Variants in BDH1 observed in about 807,000 individuals in gnomAD.
BDH1 encodes the protein D-beta-hydroxybutyrate dehydrogenase, mitochondrial.
BDH1 carries 30 observed loss-of-function variants against 33.1 expected under a neutral mutation model. The observed-to-expected ratio is 0.91, with a 90% CI of 0.68 to 1.23. The LOEUF is 1.23. BDH1 is among the 50% of genes most tolerant of loss of function. The probability of loss-of-function intolerance (pLI) is 0.00; values close to 1 mark genes in which losing one functional copy is unlikely to be tolerated. For synonymous variants in BDH1, 190 were observed against 183.6 expected (o/e 1.03, Z -0.28); for missense variants, 443 against 464.4 (o/e 0.95, Z 0.42).
intron 5 of BDH1, chr3:197,530,503 G>C (rs950235046): frequency 1.3e-5 from 2 of 151,752 alleles, no homozygotes; most frequent in African/African-American, 4.8e-5. Flanking sequence ...TTGAACCCGG[G>C]AGGTGGAGGT....
Position 197,526,614 on chromosome 3 carries a change from C to T in BDH1, c.268-3833G>A, listed in dbSNP as rs1004255478. Among the ~76,000 whole-genome samples, 1 of 152,212 alleles carries T rather than the reference C, an allele frequency of 6.6e-6. No homozygotes were observed. Among genetic ancestry groups the T allele is most frequent in the African/African-American group, 2.4e-5 (1 of 41,456 alleles). Reference sequence around the variant, plus strand: ...ATGTACCCGCTTCTGGCTGGGGCCACATGGATCCTCCCAGCCAGCTCACTG... The same window carrying T: ...ATGTACCCGCTTCTGGCTGGGGCCATATGGATCCTCCCAGCCAGCTCACTG... On this transcript the variant is annotated intron_variant, in intron 5 of 7. Transcript: ENST00000392379. The surrounding 1 kb of genome is among the most constrained non-coding windows in gnomAD (Gnocchi z 4.7).
At chr3:197,552,334 C>A (rs1190642912) in intron 2 of BDH1, among the ~76,000 whole-genome samples, 1 of 152,214 alleles carries the variant, frequency 6.6e-6, no homozygotes, top group Admixed American at 6.5e-5. Context: ...CAACTAGACT[C>A]TCCGCTTCCA....
In BDH1 at chr3:197,526,234, G is replaced by A. The variant is rs770297415; in HGVS notation, c.268-3453C>T. Among the ~76,000 whole-genome samples the A allele has an allele frequency of 4.6e-5, 7 of 152,310 alleles. No homozygotes were observed. Among genetic ancestry groups the A allele is most frequent in the Non-Finnish European group, 7.4e-5 (5 of 68,012 alleles). On this transcript the variant is annotated intron_variant, in intron 5 of 7. Coordinates refer to ENST00000392379, the MANE Select transcript of BDH1 (RefSeq NM_203314.3). This position sits in a 1 kb window ranked among gnomAD's most constrained non-coding sequence, Gnocchi z 4.7. ...AACCCAAACTCCCAAACTTGTATGC[G>A]AGGTAAAGCTTTCCCCTGCCCAGCC...
intron 2 of BDH1, among the ~76,000 whole-genome samples, chr3:197,546,745 G>C (rs1337517302): frequency 6.6e-6 from 1 of 152,188 alleles, no homozygotes; most frequent in African/African-American, 2.4e-5. Context: ...GCAACCCTGG[G>C]CAAGTCATCA....
At chr3:197,537,235 C>T (rs566612042) in intron 3 of BDH1, among the ~76,000 whole-genome samples, 5 of 152,282 alleles carry the variant, frequency 3.3e-5, no homozygotes. Context: ...GTGATCCTCC[C>T]ACCTCATCCT....
rs1713694624 is a variant in BDH1, at chr3:197,522,749, G to T, written c.300C>A (p.Asp100Glu). The T allele has an allele frequency of 6.2e-7, 1 of 1,613,996 alleles. No homozygotes were observed. The highest frequency in any genetic ancestry group is 1.3e-5 in the African/African-American group (1 of 74,906). The change falls in exon 6 of 8, where the codon GAC becomes GAA. Residue 100 changes from aspartate (D) to glutamate (E), a missense_variant. Physicochemically the swap from Asp to Glu is conservative, Grantham distance 45. Transcript: ENST00000392379. The surrounding 1 kb of genome is among the most constrained non-coding windows in gnomAD (Gnocchi z 4.8). Reference sequence around the variant, plus strand: ...TTCTCAATCGGTCACTGTTTAGGCTGTCCAGCTCCTTGACCCCATCATGGC... The same window carrying T: ...TTCTCAATCGGTCACTGTTTAGGCTTTCCAGCTCCTTGACCCCATCATGGC... Reference protein sequence around the residue: ...DKGHDGVKELDSLNSDRLRTV... With the variant: ...DKGHDGVKELESLNSDRLRTV...
intron 2 of BDH1, among the ~76,000 whole-genome samples, chr3:197,550,961 A>G (rs1449147609): frequency 2.0e-5 from 3 of 152,204 alleles, no homozygotes; most frequent in Non-Finnish European, 4.4e-5. Context: ...GTAGTTCTAT[A>G]TATTTACGGG....
chr3:197,530,591 A>T (rs1428992487), intron 5 of BDH1: 1 of 152,500 alleles, frequency 6.6e-6, no homozygotes, highest in Non-Finnish European at 1.5e-5. Context: ...AAAAGAAAAA[A>T]AAAAAAGATA....
intron 3 of BDH1, among the ~76,000 whole-genome samples, chr3:197,540,915 C>G (rs1032858428): frequency 1.3e-5 from 2 of 152,196 alleles, no homozygotes; most frequent in South Asian, 4.1e-4. Context: ...CAGCAATACC[C>G]TGACAAGGTG....
intron 3 of BDH1, among the ~76,000 whole-genome samples, chr3:197,541,062 C>T (rs1715581685): frequency 6.6e-6 from 1 of 152,214 alleles, no homozygotes; most frequent in East Asian, 1.9e-4. Context: ...AATTCCTCTT[C>T]CCTCAATTTG....
Position 197,511,891 on chromosome 3 carries a change from C to T in BDH1, c.*4G>A, listed in dbSNP as rs766647802. On this transcript the variant is annotated 3_prime_UTR_variant, in exon 8 of 8. Coordinates refer to ENST00000392379, the MANE Select transcript of BDH1 (RefSeq NM_203314.3). ...ATCCCTGACAGAGGCCACAGCGAGA[C>T]TCTTCAGCGGATGTAGATCATGTCG... The T allele has an allele frequency of 6.5e-7, 1 of 1,549,440 alleles. No individual in the cohort carries two copies. Among genetic ancestry groups the T allele is most frequent in the African/African-American group, 1.4e-5 (1 of 73,410 alleles).
In BDH1 at chr3:197,562,637, C is replaced by T. The variant is rs138076404; in HGVS notation, c.-44+10544G>A. On this transcript the variant is annotated intron_variant, in intron 1 of 6. Coordinates refer to the BDH1 transcript ENST00000358186. ...GGACATAGACCTCTGGAGAGAGAAG[C>T]TGAGATGCATAAGAGGCTGGAAACA... Among the ~76,000 whole-genome samples, 96 of 152,160 alleles carry T rather than the reference C, an allele frequency of 6.3e-4. 1 individual carries two copies. The East Asian group carries it at 0.016, about 26-fold the overall frequency.
intron 5 of BDH1, among the ~76,000 whole-genome samples, chr3:197,524,336 C>G (rs541465998): frequency 6.6e-6 from 1 of 152,184 alleles, no homozygotes; most frequent in African/African-American, 2.4e-5. Context: ...ATCCCAGGCG[C>G]GGGCAAGGGT....
In BDH1 at chr3:197,525,056, C is replaced by T. The variant is rs1713957563; in HGVS notation, c.268-2275G>A. Among the ~76,000 whole-genome samples the T allele has an allele frequency of 6.6e-6, 1 of 152,204 alleles. No homozygotes were observed. The highest frequency in any genetic ancestry group is 1.5e-5 in the Non-Finnish European group (1 of 68,038). Reference sequence around the variant, plus strand: ...TGCGCCGACCTTCCCAAACAAGACGCAGGCATGAGATGCACGGGACAGATG... The same window carrying T: ...TGCGCCGACCTTCCCAAACAAGACGTAGGCATGAGATGCACGGGACAGATG... On this transcript the variant is annotated intron_variant, in intron 5 of 7. Coordinates refer to ENST00000392379, the MANE Select transcript of BDH1 (RefSeq NM_203314.3). This position sits in a 1 kb window ranked among gnomAD's most constrained non-coding sequence, Gnocchi z 4.9.
intron 2 of BDH1, among the ~76,000 whole-genome samples, chr3:197,547,134 C>A (rs116144882): frequency 0.02 from 3,048 of 152,296 alleles, 100 homozygotes; most frequent in African/African-American, 0.069. Context: ...CGCTCCCTCA[C>A]CATTTGAGGT....
At chr3:197,567,073 C>G (rs1474363979) in intron 1 of BDH1, among the ~76,000 whole-genome samples, 1 of 152,106 alleles carries the variant, frequency 6.6e-6, no homozygotes, top group Non-Finnish European at 1.5e-5. Context: ...CTTCTTCCCC[C>G]TGTTTTCTCT....
intron 5 of BDH1, chr3:197,530,430 G>T (rs1174789405): frequency 6.6e-6 from 1 of 151,998 alleles, no homozygotes; most frequent in Non-Finnish European, 1.5e-5. Context: ...ACAAAAATTA[G>T]CCAGATGTGG....
chr3:197,567,090 G>A (rs1164255480), intron 1 of BDH1, among the ~76,000 whole-genome samples: 1 of 152,054 alleles, frequency 6.6e-6, no homozygotes, highest in African/African-American at 2.4e-5. Context: ...CTCTTCAAAG[G>A]ACATGAGACT....
chr3:197,515,801 G>T, intron 6 of BDH1: 1 of 854,048 alleles, frequency 1.2e-6, no homozygotes, highest in Non-Finnish European at 1.4e-6. Context: ...CTACTCGGGA[G>T]GCTGAGGCAG....
Sources: gnomAD v4.1 joint callset for allele counts (sites outside exome capture counted in the v4.1 genomes callset) on GRCh38, gnomAD v4.1.1 for gene constraint, Gnocchi (gnomAD v3.1) non-coding constraint, MANE v1.5 for transcripts, NCBI Gene and HGNC (gene_info 2026-07-23, HGNC 2026-07-21) for gene names.